Variants in APOLD1 observed in about 807,000 individuals in gnomAD.
APOLD1 encodes the protein apolipoprotein L domain containing 1, also known as apolipoprotein L domain-containing protein 1.
Under a neutral mutation model 15.3 loss-of-function variants are expected in APOLD1, and 22 were observed. The observed-to-expected ratio is 1.44, with a 90% confidence interval of 1.03 to 2.05. The LOEUF is 2.05. APOLD1 is among the 30% of genes most tolerant of loss of function. The pLI is 0.00. For synonymous variants in APOLD1, 190 were observed against 167.4 expected (o/e 1.13, Z -1.04); for missense variants, 394 against 353.5 (o/e 1.11, Z -0.92).
chr12:12,756,365 A>G (rs1946857985), intron 1 of APOLD1, among the ~76,000 whole-genome samples: 1 of 152,196 alleles, frequency 6.6e-6, no homozygotes, highest in Non-Finnish European at 1.5e-5. Context: ...ATGCCTCTTT[A>G]TGAACGCTGG....
chr12:12,746,517 A>ACATAAATACAT (rs1946767853), intron 1 of APOLD1, among the ~76,000 whole-genome samples: 1 of 150,950 alleles, frequency 6.6e-6, no homozygotes, highest in Non-Finnish European at 1.5e-5. Flanking sequence ...ATAAATAAAT[A>ACATAAATACAT]CATAAATACA....
At chr12:12,767,748 T>G (rs1946952648) in intron 1 of APOLD1, among the ~76,000 whole-genome samples, 1 of 152,054 alleles carries the variant, frequency 6.6e-6, no homozygotes, top group South Asian at 2.1e-4. Flanking sequence ...TATAGATGAT[T>G]TAAAGTACAT....
At chr12:12,743,157 G>A (rs1313921290) in intron 1 of APOLD1, among the ~76,000 whole-genome samples, 1 of 152,234 alleles carries the variant, frequency 6.6e-6, no homozygotes, top group African/African-American at 2.4e-5. Context: ...GTAGGTGTAG[G>A]TAGATAAGAG....
At chr12:12,759,570 T>C (rs1476073617) in intron 1 of APOLD1, among the ~76,000 whole-genome samples, 3 of 151,844 alleles carry the variant, frequency 2.0e-5, no homozygotes, top group Admixed American at 1.3e-4. Context: ...GTTGTTGTTG[T>C]TGCTGCTGCC....
intron 1 of APOLD1, among the ~76,000 whole-genome samples, chr12:12,753,334 T>C (rs1946828278): frequency 6.6e-6 from 1 of 152,056 alleles, no homozygotes; most frequent in South Asian, 2.1e-4. Context: ...TAAGAATAAA[T>C]TAGATATTGT....
chr12:12,771,494 C>T (rs1307583074), intron 1 of APOLD1: 1 of 491,380 alleles, frequency 2.0e-6, no homozygotes, highest in Non-Finnish European at 4.0e-6. Context: ...TGTTTTCCAG[C>T]AAATTGGCAG....
upstream of APOLD1, among the ~76,000 whole-genome samples, chr12:12,782,279 AAACAAACAAACAAAC>A (rs1947087181): frequency 1.3e-5 from 2 of 151,916 alleles, no homozygotes; most frequent in Admixed American, 6.6e-5. Flanking sequence ...ACAAACAAAC[AAACAAACAAACAAAC>A]ACTACCAGTT....
chr12:12,754,347 G>A (rs1160781937), intron 1 of APOLD1, among the ~76,000 whole-genome samples: 1 of 151,602 alleles, frequency 6.6e-6, no homozygotes, highest in African/African-American at 2.4e-5. Flanking sequence ...ACAAACATGA[G>A]CCACCACACC....
chr12:12,743,816 G>C (rs1260859372), intron 1 of APOLD1, among the ~76,000 whole-genome samples: 2 of 152,194 alleles, frequency 1.3e-5, no homozygotes, highest in Non-Finnish European at 1.5e-5. Flanking sequence ...GTGGTGTGAC[G>C]TGAGGGCTTA....
At chr12:12,758,928 G>A (rs1295509808) in intron 1 of APOLD1, among the ~76,000 whole-genome samples, 1 of 151,954 alleles carries the variant, frequency 6.6e-6, no homozygotes, top group Non-Finnish European at 1.5e-5. Context: ...TGTACTTTGG[G>A]GCCATTAGGA....
chr12:12,737,221 A>AGG (rs11405631), intron 1 of APOLD1, among the ~76,000 whole-genome samples: 2 of 105,288 alleles, frequency 1.9e-5, no homozygotes, highest in Non-Finnish European at 4.4e-5. Flanking sequence ...AACAACCCAG[A>AGG]GGTTTTTTTT....
intron 1 of APOLD1, among the ~76,000 whole-genome samples, chr12:12,770,282 G>A (rs983250995): frequency 6.6e-5 from 10 of 152,124 alleles, no homozygotes; most frequent in Non-Finnish European, 1.5e-4. Flanking sequence ...GCACATGCCT[G>A]TAACCCCAGC....
At chr12:12,767,794 C>T (rs1467039389) in intron 1 of APOLD1, among the ~76,000 whole-genome samples, 2 of 151,620 alleles carry the variant, frequency 1.3e-5, no homozygotes, top group African/African-American at 4.9e-5. Flanking sequence ...AAATCCTATG[C>T]CTTTTTTTTT....
chr12:12,777,365 C>G (rs563407208), intron 1 of APOLD1, among the ~76,000 whole-genome samples: 1 of 152,240 alleles, frequency 6.6e-6, no homozygotes, highest in Non-Finnish European at 1.5e-5. Flanking sequence ...ACAGGCTGTT[C>G]CAATTACAAA....
upstream of APOLD1, among the ~76,000 whole-genome samples, chr12:12,782,733 A>G (rs1433818864): frequency 6.6e-6 from 1 of 152,132 alleles, no homozygotes; most frequent in Non-Finnish European, 1.5e-5. Flanking sequence ...GCCAACTACC[A>G]TTTTCAGTGT....
chr12:12,791,366 A>G lies in APOLD1; in HGVS notation c.*3714A>G, dbSNP rs1014609349. On this transcript the variant is annotated 3_prime_UTR_variant, in exon 2 of 2. Transcript: ENST00000356591. Reference sequence around the variant, plus strand: ...AGATAAAGACATCGTGCAGAGATAAATGGGGATACAGTTAAATGTAGCAAC... The same window carrying G: ...AGATAAAGACATCGTGCAGAGATAAGTGGGGATACAGTTAAATGTAGCAAC... The G allele has an allele frequency of 6.6e-6, 1 of 152,204 alleles. No homozygotes were observed. Among genetic ancestry groups the G allele is most frequent in the African/African-American group, 2.4e-5 (1 of 41,460 alleles). The allele number at this position is 152,204 out of a possible 1,614,324, so 9.4% of individuals were successfully genotyped here. A position where few individuals can be genotyped will look rare whatever the true frequency, so the allele number is the denominator to read the frequency against.
intron 1 of APOLD1, among the ~76,000 whole-genome samples, chr12:12,773,377 C>A (rs772845440): frequency 6.6e-6 from 1 of 152,026 alleles, no homozygotes; most frequent in Non-Finnish European, 1.5e-5. Flanking sequence ...GGGTGGGCAA[C>A]ATAGTGAGAC....
intron 1 of APOLD1, among the ~76,000 whole-genome samples, chr12:12,766,134 G>T (rs1249983954): frequency 3.3e-5 from 5 of 152,096 alleles, no homozygotes; most frequent in Non-Finnish European, 7.4e-5. Flanking sequence ...CTCTGCTCTT[G>T]GGGGAATATA....
intron 1 of APOLD1, among the ~76,000 whole-genome samples, chr12:12,734,797 G>A (rs758575836): frequency 1.8e-4 from 28 of 152,346 alleles, no homozygotes; most frequent in Middle Eastern, 3.4e-3. Context: ...AGATATTGCT[G>A]CATTGTCGCG....
Sources: allele counts gnomAD v4.1 joint callset (sites outside exome capture counted in the v4.1 genomes callset), GRCh38; gene constraint gnomAD v4.1.1; transcripts MANE v1.5; gene names NCBI Gene and HGNC (gene_info 2026-07-23, HGNC 2026-07-21).